The following DGKI variants were observed in gnomAD, a reference collection of about 807,000 sequenced individuals.
The protein encoded by DGKI is diacylglycerol kinase iota, also known as DAG kinase iota.
A neutral mutation model predicts 147.5 loss-of-function variants in DGKI; 55 were observed. The ratio of observed to expected loss-of-function variants is 0.37; its 90% CI spans 0.30 to 0.47. The LOEUF is 0.47. Among genes scored for constraint, DGKI ranks in the 20% least tolerant of loss-of-function variants. DGKI has a pLI of 1.00. For missense variants in DGKI, 1,007 were observed against 1,323.8 expected (o/e 0.76, Z 3.71); for synonymous variants, 469 against 477.1 (o/e 0.98, Z 0.22).
At chr7:137,809,613 G>C (rs1408134193) in intron 1 of DGKI, among the ~76,000 whole-genome samples, 1 of 152,150 alleles carries the variant, frequency 6.6e-6, no homozygotes, top group Non-Finnish European at 1.5e-5. Context: ...TTTTAGTTTA[G>C]TTAAAACTAC....
At chr7:137,460,160 C>A (rs956346231) in intron 27 of DGKI, among the ~76,000 whole-genome samples, 1 of 152,150 alleles carries the variant, frequency 6.6e-6, no homozygotes, top group African/African-American at 2.4e-5. Context: ...AGATGCTGAT[C>A]ATACCTAGAT....
At chr7:137,752,358 G>A (rs923414197) in intron 1 of DGKI, among the ~76,000 whole-genome samples, 1 of 152,148 alleles carries the variant, frequency 6.6e-6, no homozygotes, top group Non-Finnish European at 1.5e-5. Context: ...GAAAAGGAAG[G>A]CCTCATATTT....
intron 2 of DGKI, among the ~76,000 whole-genome samples, chr7:137,684,511 G>A (rs946234474): frequency 1.3e-5 from 2 of 152,120 alleles, no homozygotes; most frequent in Admixed American, 6.5e-5. Flanking sequence ...TTGCCTCGGG[G>A]CAGAAGATTA....
At chr7:137,517,311 GAA>G (rs1563063908) in intron 21 of DGKI, among the ~76,000 whole-genome samples, 13 of 98,634 alleles carry the variant, frequency 1.3e-4, no homozygotes, top group African/African-American at 4.9e-4. Flanking sequence ...AAGAAAGAAA[GAA>G]AGAAAGAAAG....
At chr7:137,690,727 C>T (rs1445505701) in intron 1 of DGKI, among the ~76,000 whole-genome samples, 1 of 152,114 alleles carries the variant, frequency 6.6e-6, no homozygotes, top group Non-Finnish European at 1.5e-5. Context: ...ATAGTCAGCC[C>T]TGATCTTGGT....
chr7:137,439,640 A>G (rs895783866), intron 28 of DGKI, among the ~76,000 whole-genome samples: 1 of 152,198 alleles, frequency 6.6e-6, no homozygotes, highest in Non-Finnish European at 1.5e-5. Flanking sequence ...CAGCCAAACC[A>G]TATCAGTAAC....
chr7:137,696,751 A>C (rs1282575501), intron 1 of DGKI, among the ~76,000 whole-genome samples: 1 of 152,162 alleles, frequency 6.6e-6, no homozygotes, highest in Non-Finnish European at 1.5e-5. Context: ...TTATGGGCTG[A>C]ACTGTGTCAC....
chr7:137,619,701 G>T, intron 8 of DGKI, 123 bp downstream of exon 8: 1 of 722,922 alleles, frequency 1.4e-6, no homozygotes. Context: ...GCTAAGCACA[G>T]GGCCTTGGGG....
chr7:137,464,094 G>A (rs1025834676), intron 26 of DGKI, among the ~76,000 whole-genome samples: 10 of 151,478 alleles, frequency 6.6e-5, no homozygotes, highest in South Asian at 2.1e-4. Flanking sequence ...TGAAGAAAAC[G>A]ACCATACAAA....
chr7:137,384,976 A>G lies in DGKI; in HGVS notation c.*6244T>C, dbSNP rs1811142404. ...GGTGGCAGAAGCCAAAGAGTTTTCC[A>G]TGATTGCCTTTCATGTACATTTACT... On this transcript the variant is annotated 3_prime_UTR_variant, in exon 33 of 33. Coordinates refer to ENST00000614521, the MANE Select transcript of DGKI (RefSeq NM_001321708.2). The G allele has an allele frequency of 6.6e-6, 1 of 152,094 alleles. No homozygotes were observed. The highest frequency in any genetic ancestry group is 1.5e-5 in the Non-Finnish European group (1 of 67,978). The allele number at this position is 152,094 out of a possible 1,614,324, so 9.4% of individuals were successfully genotyped here. A position where few individuals can be genotyped will look rare whatever the true frequency, so the allele number is the denominator to read the frequency against.
At chr7:137,486,242 A>C (rs948590979) in intron 22 of DGKI, among the ~76,000 whole-genome samples, 3 of 152,190 alleles carry the variant, frequency 2.0e-5, no homozygotes, top group Non-Finnish European at 4.4e-5. Context: ...TTGGTGCATT[A>C]AGCATGCTAT....
chr7:137,472,368 A>AT (rs1814995250), intron 23 of DGKI, among the ~76,000 whole-genome samples: 1 of 19,084 alleles, frequency 5.2e-5, no homozygotes, highest in East Asian at 1.6e-3. Flanking sequence ...ATATACATAT[A>AT]ATTATTATAT....
intron 20 of DGKI, 77 bp downstream of exon 20, chr7:137,552,292 C>A: frequency 6.6e-7 from 1 of 1,515,256 alleles, no homozygotes; most frequent in Non-Finnish European, 9.1e-7. Context: ...CAGTGAGGTC[C>A]CCAGACCATG....
chr7:137,515,620 G>A (rs1355078112), intron 21 of DGKI, among the ~76,000 whole-genome samples: 1 of 151,940 alleles, frequency 6.6e-6, no homozygotes, highest in Admixed American at 6.6e-5. Context: ...GTACTACTTG[G>A]AGGAAGCAGA....
At chr7:137,602,583 C>A (rs1427140510) in intron 10 of DGKI, among the ~76,000 whole-genome samples, 1 of 152,180 alleles carries the variant, frequency 6.6e-6, no homozygotes, top group Admixed American at 6.5e-5. Flanking sequence ...AAATGCTCCA[C>A]CTAGTGTGTG....
At chr7:137,563,281 A>T (rs1330331102) in intron 19 of DGKI, among the ~76,000 whole-genome samples, 1 of 152,038 alleles carries the variant, frequency 6.6e-6, no homozygotes, top group Non-Finnish European at 1.5e-5. Flanking sequence ...ACACTAATAA[A>T]AAAAAACTAC....
chr7:137,691,158 A>G (rs2116459272), intron 1 of DGKI, among the ~76,000 whole-genome samples: 1 of 152,212 alleles, frequency 6.6e-6, no homozygotes, highest in African/African-American at 2.4e-5. Context: ...CACACTCCTA[A>G]GGTTCTCTTC....
At chr7:137,399,873 TGCCTGGGTGACA>T (rs1370219972) in intron 30 of DGKI, among the ~76,000 whole-genome samples, 1 of 150,140 alleles carries the variant, frequency 6.7e-6, no homozygotes, top group Non-Finnish European at 1.5e-5. Context: ...TTGTGCTCAC[TGCCTGGGTGACA>T]GCCTGGGTGA....
At chr7:137,742,996 A>G (rs1795223574) in intron 1 of DGKI, among the ~76,000 whole-genome samples, 1 of 152,240 alleles carries the variant, frequency 6.6e-6, no homozygotes, top group African/African-American at 2.4e-5. Flanking sequence ...AGTCACATAA[A>G]ATAGACTTTA....
Sources: allele counts gnomAD v4.1 joint callset (sites outside exome capture counted in the v4.1 genomes callset), GRCh38; gene constraint gnomAD v4.1.1; transcripts MANE v1.5; gene names NCBI Gene and HGNC (gene_info 2026-07-23, HGNC 2026-07-21).